DNAJB4: variants seen among roughly 807,000 people sequenced by gnomAD.
The protein encoded by DNAJB4 is dnaJ homolog subfamily B member 4.
DNAJB4 carries 10 observed loss-of-function variants against 26.6 expected under a neutral mutation model. That is an observed-to-expected ratio of 0.38 (90% confidence interval 0.23 to 0.64). The LOEUF is 0.64. Among genes scored for constraint, DNAJB4 ranks in the 30% least tolerant of loss-of-function variants. The pLI is 0.58. For missense variants in DNAJB4, 328 were observed against 408.2 expected, an observed-to-expected ratio of 0.80 and a Z score of 1.69; for synonymous variants, 136 against 134.8, an observed-to-expected ratio of 1.01 and a Z score of -0.06.
intron 1 of DNAJB4, among the ~76,000 whole-genome samples, chr1:77,982,165 A>G (rs993644974): frequency 2.0e-5 from 3 of 152,248 alleles, no homozygotes; most frequent in Non-Finnish European, 4.4e-5. Flanking sequence ...ACAAATATGC[A>G]CTAATATACT....
chr1:77,991,534 G>A (rs1659931487), intron 1 of DNAJB4, among the ~76,000 whole-genome samples: 1 of 152,038 alleles, frequency 6.6e-6, no homozygotes, highest in South Asian at 2.1e-4. Context: ...ATTGCTTGAG[G>A]CCAGGAGTTC....
At chr1:77,983,331 A>G (rs1659710942) in intron 1 of DNAJB4, among the ~76,000 whole-genome samples, 1 of 152,040 alleles carries the variant, frequency 6.6e-6, no homozygotes, top group South Asian at 2.1e-4. Context: ...TTGCCCAGGG[A>G]TGGGCAGGAG....
Position 78,004,995 on chromosome 1 carries a change from C to A in DNAJB4, c.-116C>A. 9.4e-7 allele frequency: 1 copy of A among 1,059,078 alleles called. No homozygotes were observed. Among genetic ancestry groups the A allele is most frequent in the Non-Finnish European group, 1.4e-6 (1 of 717,264 alleles). The allele number at this position is 1,059,078 out of a possible 1,614,324, so 65.6% of individuals were successfully genotyped here. A position where few individuals can be genotyped will look rare whatever the true frequency, so the allele number is the denominator to read the frequency against. On this transcript the variant is annotated 5_prime_UTR_variant, in exon 1 of 3. In the 5' UTR this introduces an upstream ATG that the reference lacks. Transcript: ENST00000370763. ...TGCCTTAAGACAGCTAGCTGAATTG[C>A]TGATTAACTTTTAAAATACCCAGCT...
intron 1 of DNAJB4, among the ~76,000 whole-genome samples, chr1:77,982,208 T>C (rs1005966054): frequency 6.6e-6 from 1 of 152,234 alleles, no homozygotes; most frequent in Non-Finnish European, 1.5e-5. Flanking sequence ...CTATACTTGT[T>C]TCCTAGATGT....
upstream of DNAJB4, among the ~76,000 whole-genome samples, chr1:78,003,503 A>G (rs1036384512): frequency 1.3e-5 from 2 of 152,180 alleles, no homozygotes; most frequent in African/African-American, 4.8e-5. Context: ...TGGCATATAG[A>G]GTAGGCGTTC....
At chr1:77,997,520 C>T (rs939951002) in intron 1 of DNAJB4, among the ~76,000 whole-genome samples, 5 of 151,874 alleles carry the variant, frequency 3.3e-5, no homozygotes, top group African/African-American at 4.8e-5. Context: ...AAAAAAACTT[C>T]GAACAATCTG....
upstream of DNAJB4, among the ~76,000 whole-genome samples, chr1:78,000,208 TG>T (rs1419640003): frequency 6.6e-6 from 1 of 152,150 alleles, no homozygotes; most frequent in Non-Finnish European, 1.5e-5. Context: ...GTAATTTTCC[TG>T]GAAAAAAAAT....
intron 1 of DNAJB4, among the ~76,000 whole-genome samples, chr1:78,011,348 G>A (rs908131773): frequency 2.6e-5 from 4 of 152,120 alleles, no homozygotes; most frequent in African/African-American, 9.7e-5. Flanking sequence ...TGAAATTAAT[G>A]CTAAGATGTG....
chr1:78,007,645 T>G (rs1660364329), intron 1 of DNAJB4, among the ~76,000 whole-genome samples: 2 of 152,244 alleles, frequency 1.3e-5, no homozygotes, highest in Admixed American at 1.3e-4. Context: ...TTTTTTAGAA[T>G]TATTCTTCCT....
chr1:78,015,453 T>C (rs1386396979), intron 2 of DNAJB4, among the ~76,000 whole-genome samples: 3 of 143,198 alleles, frequency 2.1e-5, no homozygotes, highest in East Asian at 2.0e-4. Context: ...TCTTCTTCTT[T>C]TTTTTTTTTT....
At chr1:77,986,558 G>T (rs1187034298) in intron 1 of DNAJB4, among the ~76,000 whole-genome samples, 5 of 152,076 alleles carry the variant, frequency 3.3e-5, no homozygotes, top group African/African-American at 1.2e-4. Flanking sequence ...TCTTTTAGTT[G>T]TGTCCATTCT....
In DNAJB4 at chr1:78,017,324, G is replaced by A. The variant is rs1053023863; in HGVS notation, c.*1077G>A. On this transcript the variant is annotated 3_prime_UTR_variant, in exon 3 of 3. Coordinates refer to ENST00000370763, the MANE Select transcript of DNAJB4 (RefSeq NM_007034.5). ...ATTTATGTTTTAAAAATTTAGTTTT[G>A]TTTTCTGTTTTATAACTATAGTGAG... 2 of 151,274 alleles carry A rather than the reference G, an allele frequency of 1.3e-5. No individual in the cohort carries two copies. The highest frequency in any genetic ancestry group is 2.4e-5 in the African/African-American group (1 of 41,246). The allele number at this position is 151,274 out of a possible 1,614,324, so 9.4% of individuals were successfully genotyped here.
intron 2 of DNAJB4, among the ~76,000 whole-genome samples, chr1:78,014,251 G>C (rs1431207265): frequency 6.6e-6 from 1 of 151,862 alleles, no homozygotes; most frequent in South Asian, 2.1e-4. Context: ...GGGATTACAG[G>C]CGCCCCCCAC....
At chr1:77,993,551 A>G (rs1659987719) in intron 1 of DNAJB4, among the ~76,000 whole-genome samples, 1 of 152,088 alleles carries the variant, frequency 6.6e-6, no homozygotes, top group East Asian at 1.9e-4. Context: ...CCTGACCTCA[A>G]TTGATCCGCC....
chr1:77,995,814 C>A (rs967328400), intron 1 of DNAJB4, among the ~76,000 whole-genome samples: 13 of 152,076 alleles, frequency 8.5e-5, no homozygotes, highest in African/African-American at 3.1e-4. Flanking sequence ...GGTGTGGTGG[C>A]ACATGCCTGT....
intron 1 of DNAJB4, among the ~76,000 whole-genome samples, chr1:77,991,019 G>C (rs1014406029): frequency 1.3e-5 from 2 of 152,134 alleles, no homozygotes; most frequent in South Asian, 2.1e-4. Context: ...GTGGAGATAT[G>C]GGGGGAAGTG....
chr1:78,016,127 G>A lies in DNAJB4; in HGVS notation c.894G>A (p.Leu298=), dbSNP rs757112735. Residue 298 remains leucine, a synonymous_variant, in exon 3 of 3, where the codon CTG becomes CTA. Transcript: ENST00000370763. Reference sequence around the variant, plus strand: ...GGAGAAGAATTATTGGATATGGGCTGCCATTTCCAAAAAATCCTGACCAAC... The same window carrying A: ...GGAGAAGAATTATTGGATATGGGCTACCATTTCCAAAAAATCCTGACCAAC... ...GMRRRIIGYG[L]PFPKNPDQRG... is the part of the protein sequence containing the mutation. 27 of 1,613,950 alleles carry A rather than the reference G, an allele frequency of 1.7e-5. No individual in the cohort carries two copies. Among genetic ancestry groups the A allele is most frequent in the Non-Finnish European group, 2.1e-5 (25 of 1,179,974 alleles).
At chr1:78,005,550 T>C (rs1388128270) in intron 1 of DNAJB4, among the ~76,000 whole-genome samples, 1 of 152,224 alleles carries the variant, frequency 6.6e-6, no homozygotes, top group Non-Finnish European at 1.5e-5. Flanking sequence ...GTTTGCCTTT[T>C]TTATTTTAGC....
intron 1 of DNAJB4, among the ~76,000 whole-genome samples, chr1:78,011,184 G>A (rs1442602259): frequency 6.6e-6 from 1 of 152,100 alleles, no homozygotes; most frequent in African/African-American, 2.4e-5. Context: ...TCTTTTGTGG[G>A]TTAAATATTA....
Sources: gnomAD v4.1 joint callset for allele counts (sites outside exome capture counted in the v4.1 genomes callset) on GRCh38, gnomAD v4.1.1 for gene constraint, MANE v1.5 for transcripts, NCBI Gene and HGNC (gene_info 2026-07-23, HGNC 2026-07-21) for gene names.